Variants in CADM2 observed in about 807,000 individuals in gnomAD.
CADM2 encodes the protein cell adhesion molecule 2.
Under a neutral mutation model 49.8 loss-of-function variants are expected in CADM2, and 12 were observed. That is an observed-to-expected ratio of 0.24 (90% CI 0.15 to 0.39). The LOEUF (loss-of-function observed/expected upper bound fraction) is 0.39, where lower values mean the gene tolerates loss of function less well. Among genes scored for constraint, CADM2 ranks in the 10% least tolerant of loss-of-function variants. The probability of loss-of-function intolerance (pLI) is 1.00; values close to 1 mark genes in which losing one functional copy is unlikely to be tolerated. For missense variants in CADM2, 378 were observed against 492.3 expected (o/e 0.77, Z 2.20); for synonymous variants, 214 against 175.4 (o/e 1.22, Z -1.74).
intron 2 of CADM2, among the ~76,000 whole-genome samples, chr3:85,787,239 G>A (rs142852325): frequency 3.7e-4 from 57 of 152,124 alleles, no homozygotes; most frequent in African/African-American, 1.3e-3. Flanking sequence ...TAACAATCCT[G>A]TTTTATACAA....
At position 85,681,039 on chromosome 3, in the gene CADM2, G is replaced by T. The variant is rs544921163; in HGVS notation, c.62-45483G>T. On this transcript the variant is annotated intron_variant, in intron 1 of 9. Coordinates refer to ENST00000383699, the MANE Select transcript of CADM2 (RefSeq NM_001167675.2). Reference sequence around the variant, plus strand: ...AGACAGTAAATGAGAAGAACCTGAAGTCTTGTTTGTGTTAACAGGGCTCTT... The same window carrying T: ...AGACAGTAAATGAGAAGAACCTGAATTCTTGTTTGTGTTAACAGGGCTCTT... Among the ~76,000 whole-genome samples, 7 of 152,236 alleles carry T rather than the reference G, an allele frequency of 4.6e-5. No individual in the cohort carries two copies. In the South Asian group the frequency reaches 1.5e-3, roughly 32 times the overall value.
intron 2 of CADM2, among the ~76,000 whole-genome samples, chr3:85,801,524 C>T (rs1314436341): frequency 1.3e-5 from 2 of 152,030 alleles, no homozygotes; most frequent in Admixed American, 1.3e-4. Context: ...GCTAAATCTA[C>T]AAGAAAACCT....
chr3:85,359,658 A>ATTT (rs1472399629), intron 1 of CADM2, among the ~76,000 whole-genome samples: 1 of 17,460 alleles, frequency 5.7e-5, no homozygotes, highest in African/African-American at 1.2e-4. Flanking sequence ...ATATATATAT[A>ATTT]TATATATATT....
intron 1 of CADM2, among the ~76,000 whole-genome samples, chr3:85,016,871 T>C (rs1201764910): frequency 6.6e-6 from 1 of 151,942 alleles, no homozygotes; most frequent in Non-Finnish European, 1.5e-5. Flanking sequence ...CAATTTTGAA[T>C]AGAATACTGT....
intron 1 of CADM2, among the ~76,000 whole-genome samples, chr3:85,248,651 C>T (rs1423001507): frequency 1.3e-5 from 2 of 152,116 alleles, no homozygotes; most frequent in African/African-American, 4.8e-5. Context: ...ATGAGCATGT[C>T]ACTGTGATAG....
intron 2 of CADM2, among the ~76,000 whole-genome samples, chr3:85,768,470 T>TCAATAATA (rs2069787115): frequency 7.0e-6 from 1 of 143,780 alleles, no homozygotes; most frequent in Admixed American, 7.1e-5. Flanking sequence ...AATAAATAAA[T>TCAATAATA]AATAAATAAA....
At chr3:85,282,267 CCT>C (rs1491179782) in intron 1 of CADM2, among the ~76,000 whole-genome samples, 6 of 113,608 alleles carry the variant, frequency 5.3e-5, no homozygotes, top group African/African-American at 2.1e-4. Context: ...TTTTTTTTTG[CCT>C]TTTTTTTTTT....
At chr3:85,078,117 G>A (rs1208180443) in intron 1 of CADM2, among the ~76,000 whole-genome samples, 2 of 151,928 alleles carry the variant, frequency 1.3e-5, no homozygotes, top group East Asian at 1.9e-4. Flanking sequence ...GATTTTACTG[G>A]GAAAAAGTCA....
chr3:85,788,688 TC>T (rs1288207531), intron 2 of CADM2, among the ~76,000 whole-genome samples: 3 of 151,930 alleles, frequency 2.0e-5, no homozygotes, highest in Non-Finnish European at 2.9e-5. Context: ...TTTTTTTTTT[TC>T]ATTTGGAATT....
chr3:85,713,827 A>G (rs2067197719), intron 1 of CADM2, among the ~76,000 whole-genome samples: 2 of 152,222 alleles, frequency 1.3e-5, no homozygotes, highest in South Asian at 4.1e-4. Flanking sequence ...TGCCTTAAAT[A>G]CAAAATATAT....
intron 1 of CADM2, among the ~76,000 whole-genome samples, chr3:85,124,634 A>C (rs1465774634): frequency 6.6e-6 from 1 of 152,150 alleles, no homozygotes; most frequent in Non-Finnish European, 1.5e-5. Flanking sequence ...AAACAAAAAC[A>C]AGTAAACAAA....
intron 8 of CADM2, among the ~76,000 whole-genome samples, chr3:86,008,520 T>A (rs1245176217): frequency 2.0e-5 from 3 of 152,092 alleles, no homozygotes; most frequent in African/African-American, 4.8e-5. Flanking sequence ...ACACCAAAAA[T>A]TTTTGATGCG....
chr3:85,643,602 A>G (rs1032332306), intron 1 of CADM2, among the ~76,000 whole-genome samples: 1 of 152,136 alleles, frequency 6.6e-6, no homozygotes, highest in Non-Finnish European at 1.5e-5. Flanking sequence ...TATACTTTAG[A>G]TAAAGTAGAA....
chr3:85,106,871 A>G (rs1049333598), intron 1 of CADM2, among the ~76,000 whole-genome samples: 1 of 152,176 alleles, frequency 6.6e-6, no homozygotes, highest in Non-Finnish European at 1.5e-5. Context: ...CATCATAACA[A>G]CTATTGTCTA....
At chr3:85,347,330 A>G (rs2030787045) in intron 1 of CADM2, among the ~76,000 whole-genome samples, 1 of 150,108 alleles carries the variant, frequency 6.7e-6, no homozygotes, top group South Asian at 2.1e-4. Flanking sequence ...GGCATTGAGA[A>G]ATGAAGTGAA....
chr3:85,463,296 T>A, intron 1 of CADM2, among the ~76,000 whole-genome samples: 1 of 152,182 alleles, frequency 6.6e-6, no homozygotes, highest in South Asian at 2.1e-4. Context: ...CTAACTGATT[T>A]TGAATGACAT....
chr3:84,963,439 A>T (rs546911086), intron 1 of CADM2, among the ~76,000 whole-genome samples: 2 of 152,224 alleles, frequency 1.3e-5, no homozygotes, highest in African/African-American at 2.4e-5. Context: ...AGGGCAAAAT[A>T]TAACAAGAAA....
chr3:85,501,991 A>G (rs2040137522), intron 1 of CADM2, among the ~76,000 whole-genome samples: 1 of 152,184 alleles, frequency 6.6e-6, no homozygotes, highest in South Asian at 2.1e-4. Flanking sequence ...TTCTTCTAAG[A>G]AAGCATGAAT....
chr3:85,993,274 G>T (rs1729004140), intron 8 of CADM2: 1 of 152,130 alleles, frequency 6.6e-6, no homozygotes, highest in African/African-American at 2.4e-5. Flanking sequence ...CATTTTATTT[G>T]CTCCACCATA....
Sources: gnomAD v4.1 joint callset for allele counts (sites outside exome capture counted in the v4.1 genomes callset) on GRCh38, gnomAD v4.1.1 for gene constraint, MANE v1.5 for transcripts, NCBI Gene and HGNC (gene_info 2026-07-23, HGNC 2026-07-21) for gene names.